PTPRK: variants seen among roughly 807,000 people sequenced by gnomAD.
PTPRK encodes receptor-type tyrosine-protein phosphatase kappa.
In PTPRK, 75 loss-of-function variants were observed where a neutral mutation model predicts 178.0. That is an observed-to-expected ratio of 0.42 (90% CI 0.35 to 0.51). PTPRK has a LOEUF of 0.51. Among genes scored for constraint, PTPRK ranks in the 20% least tolerant of loss-of-function variants. The probability of loss-of-function intolerance (pLI) is 0.02; values close to 1 mark genes in which losing one functional copy is unlikely to be tolerated. For missense variants in PTPRK, 1,441 were observed against 1,797.8 expected, an observed-to-expected ratio of 0.80 and a Z score of 3.59; for synonymous variants, 637 against 620.6, an observed-to-expected ratio of 1.03 and a Z score of -0.39.
intron 3 of PTPRK, among the ~76,000 whole-genome samples, chr6:128,283,742 T>C (rs981863662): frequency 6.6e-6 from 1 of 152,158 alleles, no homozygotes; most frequent in African/African-American, 2.4e-5. Context: ...AAACTGCCCT[T>C]GAAAGGAGCC....
chr6:128,248,887 T>A (rs1041418808), intron 3 of PTPRK, among the ~76,000 whole-genome samples: 1 of 152,204 alleles, frequency 6.6e-6, no homozygotes, highest in Non-Finnish European at 1.5e-5. Flanking sequence ...TGTTTAGATA[T>A]TGAGGATAAT....
At chr6:128,206,306 CATATT>C (rs1183404378) in intron 6 of PTPRK, among the ~76,000 whole-genome samples, 4 of 147,676 alleles carry the variant, frequency 2.7e-5, no homozygotes, top group African/African-American at 7.5e-5. Context: ...ATATCAGAAA[CATATT>C]ATAAGAATCA....
chr6:128,269,216 C>T (rs1433610402), intron 3 of PTPRK, among the ~76,000 whole-genome samples: 1 of 151,912 alleles, frequency 6.6e-6, no homozygotes, highest in Non-Finnish European at 1.5e-5. Context: ...GTATAGAAGG[C>T]AGGATAGGGT....
intron 1 of PTPRK, among the ~76,000 whole-genome samples, chr6:128,509,390 C>A (rs1856850954): frequency 6.6e-6 from 1 of 152,156 alleles, no homozygotes; most frequent in East Asian, 1.9e-4. Context: ...GAACCATGCT[C>A]ATTCTTCTTT....
chr6:128,515,417 G>T (rs1857835597), intron 1 of PTPRK, among the ~76,000 whole-genome samples: 1 of 150,670 alleles, frequency 6.6e-6, no homozygotes, highest in South Asian at 2.1e-4. Flanking sequence ...CATGAGTTTT[G>T]ATTAAAAAAA....
intron 3 of PTPRK, among the ~76,000 whole-genome samples, chr6:128,317,668 G>T (rs1468393627): frequency 1.3e-5 from 2 of 151,964 alleles, no homozygotes; most frequent in Non-Finnish European, 2.9e-5. Flanking sequence ...TAGGACCCAG[G>T]CTCCTTGAAT....
intron 13 of PTPRK, among the ~76,000 whole-genome samples, chr6:128,044,134 AACTT>A (rs1486306569): frequency 1.3e-5 from 2 of 152,078 alleles, no homozygotes; most frequent in African/African-American, 4.8e-5. Context: ...CATAGATTTC[AACTT>A]ACTTAGATTT....
Position 128,184,656 on chromosome 6 carries a change from T to C in PTPRK, c.938A>G (p.Asn313Ser). The C allele has an allele frequency of 3.7e-6, 6 of 1,614,034 alleles. No homozygotes were observed. The highest frequency in any genetic ancestry group is 4.2e-6 in the Non-Finnish European group (5 of 1,179,940). ...VGPTYLLIQL[N>S]ANSIIGDGPI... ...ACCATCGCCAATGATCGAGTTGGCA[T>C]TTAGTTGGATCAGCAAATATGTAGG... Residue 313 changes from asparagine to serine, a missense_variant, in exon 7 of 30, where the codon AAT becomes AGT. Asn to Ser is a conservative substitution (Grantham distance 46, BLOSUM62 1). Around this residue, in one of 4 missense-constraint regions of PTPRK, gnomAD observed 945 missense variants for 1,080.6 expected, o/e 0.87. Transcript: ENST00000368226.
intron 2 of PTPRK, among the ~76,000 whole-genome samples, chr6:128,364,175 T>C (rs1479227966): frequency 6.6e-6 from 1 of 152,078 alleles, no homozygotes; most frequent in East Asian, 1.9e-4. Context: ...TTACCCAACA[T>C]GAAAACTTTT....
At chr6:128,096,970 G>C (rs537388188) in intron 7 of PTPRK, among the ~76,000 whole-genome samples, 17 of 152,264 alleles carry the variant, frequency 1.1e-4, no homozygotes, top group African/African-American at 4.1e-4. Context: ...TAGGTGCTTT[G>C]TAATTTTTAT....
intron 7 of PTPRK, among the ~76,000 whole-genome samples, chr6:128,156,282 C>T (rs1047028730): frequency 1.3e-5 from 2 of 151,766 alleles, no homozygotes; most frequent in Non-Finnish European, 2.9e-5. Flanking sequence ...GAATAAAAAG[C>T]ATAATACATA....
At chr6:128,097,506 A>G (rs77326939) in intron 7 of PTPRK, among the ~76,000 whole-genome samples, 5,547 of 152,240 alleles carry the variant, frequency 0.036, 179 homozygotes, top group Middle Eastern at 0.092. Flanking sequence ...GGCAAAGATA[A>G]TTCTTTTACC....
At chr6:128,446,258 G>T (rs1467866565) in intron 1 of PTPRK, among the ~76,000 whole-genome samples, 2 of 152,080 alleles carry the variant, frequency 1.3e-5, no homozygotes, top group Non-Finnish European at 2.9e-5. Flanking sequence ...AGCTGCAGGG[G>T]GAATTAATTA....
intron 25 of PTPRK, among the ~76,000 whole-genome samples, chr6:127,977,575 T>C (rs1433362981): frequency 6.6e-6 from 1 of 152,208 alleles, no homozygotes; most frequent in Non-Finnish European, 1.5e-5. Context: ...GCTCAAACAC[T>C]TGTGCTTTTA....
intron 1 of PTPRK, among the ~76,000 whole-genome samples, chr6:128,448,988 T>C (rs1284792049): frequency 6.6e-6 from 1 of 151,938 alleles, no homozygotes; most frequent in East Asian, 1.9e-4. Context: ...GCCTCCTGAG[T>C]AGCTGGGACT....
At chr6:128,323,397 T>C (rs1022171084) in intron 2 of PTPRK, among the ~76,000 whole-genome samples, 4 of 152,150 alleles carry the variant, frequency 2.6e-5, no homozygotes, top group African/African-American at 7.2e-5. Context: ...AATATCTTTT[T>C]TCTTTGCTAG....
chr6:128,173,639 G>A (rs1800627323), intron 7 of PTPRK, among the ~76,000 whole-genome samples: 5 of 151,912 alleles, frequency 3.3e-5, no homozygotes, highest in Admixed American at 3.3e-4. Context: ...AGCCCTTCAA[G>A]TTAAAACCTG....
intron 1 of PTPRK, among the ~76,000 whole-genome samples, chr6:128,452,680 C>G (rs1317629543): frequency 6.6e-6 from 1 of 152,048 alleles, no homozygotes; most frequent in African/African-American, 2.4e-5. Flanking sequence ...TTTCACTGTC[C>G]AACACCAGGG....
At chr6:128,038,198 T>G (rs1776545397) in intron 13 of PTPRK, among the ~76,000 whole-genome samples, 1 of 152,196 alleles carries the variant, frequency 6.6e-6, no homozygotes, top group African/African-American at 2.4e-5. Context: ...ATGCAGCAAT[T>G]TTTTTTTCTA....
Sources: gnomAD v4.1 joint callset for allele counts (sites outside exome capture counted in the v4.1 genomes callset) on GRCh38, gnomAD v4.1.1 for gene constraint, gnomAD v4.1.1 regional missense constraint, MANE v1.5 for transcripts, NCBI Gene and HGNC (gene_info 2026-07-23, HGNC 2026-07-21) for gene names.